The following RBFOX1 variants were observed in gnomAD, a reference collection of about 807,000 sequenced individuals.
RBFOX1 encodes the protein RNA binding protein fox-1 homolog 1.
In RBFOX1, 8 loss-of-function variants were observed where a neutral mutation model predicts 57.7. The observed-to-expected ratio is 0.14, with a 90% CI of 0.08 to 0.25. The LOEUF is 0.25. RBFOX1 is among the 10% of genes least tolerant of loss of function. RBFOX1 has a pLI of 1.00. For synonymous variants in RBFOX1, 326 were observed against 222.4 expected (o/e 1.47, Z -4.15); for missense variants, 611 against 548.5 (o/e 1.11, Z -1.14).
intron 2 of RBFOX1, among the ~76,000 whole-genome samples, chr16:5,590,587 G>C (rs2046975190): frequency 6.6e-6 from 1 of 152,190 alleles, no homozygotes; most frequent in South Asian, 2.1e-4. Context: ...GGAGGAATGG[G>C]GTGGTGGTAG....
chr16:7,186,009 A>G (rs937931328), intron 4 of RBFOX1, among the ~76,000 whole-genome samples: 10 of 152,142 alleles, frequency 6.6e-5, no homozygotes, highest in Admixed American at 3.9e-4. Flanking sequence ...GTATAGATCA[A>G]AGGCACACAG....
At chr16:7,558,067 T>C (rs572789162) in intron 5 of RBFOX1, among the ~76,000 whole-genome samples, 1 of 152,146 alleles carries the variant, frequency 6.6e-6, no homozygotes, top group South Asian at 2.1e-4. Context: ...TAATATACTT[T>C]ATTGAGGCCA....
intron 4 of RBFOX1, among the ~76,000 whole-genome samples, chr16:7,458,711 C>A (rs35254982): frequency 6.6e-6 from 1 of 151,810 alleles, no homozygotes; most frequent in Non-Finnish European, 1.5e-5. Flanking sequence ...CACTCCCTCT[C>A]CTCCTTCTCA....
At chr16:7,704,207 C>G (rs2081667020) in intron 14 of RBFOX1, among the ~76,000 whole-genome samples, 1 of 152,140 alleles carries the variant, frequency 6.6e-6, no homozygotes, top group South Asian at 2.1e-4. Flanking sequence ...CGGGTTGCTT[C>G]CCAGTTTTAA....
intron 3 of RBFOX1, among the ~76,000 whole-genome samples, chr16:6,736,503 C>T (rs1375687849): frequency 6.6e-6 from 1 of 152,150 alleles, no homozygotes; most frequent in Non-Finnish European, 1.5e-5. Flanking sequence ...GTTTTTATGG[C>T]TAAGTAGTAT....
intron 2 of RBFOX1, among the ~76,000 whole-genome samples, chr16:5,511,841 G>T (rs1330774862): frequency 6.6e-6 from 1 of 152,196 alleles, no homozygotes; most frequent in Non-Finnish European, 1.5e-5. Flanking sequence ...GACCAGAAGG[G>T]TGACTGAGTT....
At chr16:5,836,374 TG>T (rs2056457055) in intron 3 of RBFOX1, among the ~76,000 whole-genome samples, 1 of 152,174 alleles carries the variant, frequency 6.6e-6, no homozygotes, top group Non-Finnish European at 1.5e-5. Context: ...AGTTTTCCTC[TG>T]CAAACATCTG....
intron 4 of RBFOX1, among the ~76,000 whole-genome samples, chr16:7,183,786 G>A (rs113087353): frequency 1.4e-4 from 22 of 152,202 alleles, no homozygotes; most frequent in Non-Finnish European, 2.9e-4. Context: ...TCTCCTTTCA[G>A]TGTGGTTCAG....
chr16:7,189,552 A>AGCACACAC (rs1555547915), intron 4 of RBFOX1, among the ~76,000 whole-genome samples: 17 of 78,680 alleles, frequency 2.2e-4, no homozygotes, highest in Admixed American at 1.5e-3. Context: ...TATGTCCCCC[A>AGCACACAC]AAACACACAC....
chr16:6,976,608 C>T (rs2086915219), intron 3 of RBFOX1, among the ~76,000 whole-genome samples: 1 of 151,200 alleles, frequency 6.6e-6, no homozygotes, highest in Non-Finnish European at 1.5e-5. Flanking sequence ...GTAGGGCGTT[C>T]CCGAAAGTAA....
intron 4 of RBFOX1, among the ~76,000 whole-genome samples, chr16:5,987,475 A>G (rs1384322841): frequency 6.6e-6 from 1 of 152,086 alleles, no homozygotes; most frequent in Non-Finnish European, 1.5e-5. Flanking sequence ...ATTTTCTTTT[A>G]TATTTTTCAA....
chr16:7,677,066 C>G (rs2073492343), intron 14 of RBFOX1, among the ~76,000 whole-genome samples: 1 of 151,210 alleles, frequency 6.6e-6, no homozygotes, highest in Non-Finnish European at 1.5e-5. Flanking sequence ...AAATGATAGC[C>G]TTGGTCCTTG....
rs140192979 is a variant in RBFOX1 at position 6,908,163 on chromosome 16, C to G, written c.-15-143894C>G. 1.5e-4 allele frequency among the ~76,000 whole-genome samples: 23 copies of G among 151,882 alleles called. No homozygotes were observed. In the East Asian group the frequency reaches 4.3e-3, roughly 28 times the overall value. On this transcript the variant is annotated intron_variant, in intron 3 of 15. Transcript: ENST00000550418. ...CAATTCAGCTCCTAACAATCTACTT[C>G]TCTGCATCCCTACATCCGTGCAGTT...
chr16:7,243,248 C>T (rs1468919393), intron 4 of RBFOX1, among the ~76,000 whole-genome samples: 1 of 152,230 alleles, frequency 6.6e-6, no homozygotes, highest in East Asian at 1.9e-4. Flanking sequence ...GAATGTACCA[C>T]ATTTATTCTC....
At chr16:7,301,797 G>C (rs573566704) in intron 4 of RBFOX1, among the ~76,000 whole-genome samples, 1 of 152,260 alleles carries the variant, frequency 6.6e-6, no homozygotes, top group African/African-American at 2.4e-5. Flanking sequence ...CAGATTGCTT[G>C]ACGCAACAGT....
intron 3 of RBFOX1, among the ~76,000 whole-genome samples, chr16:5,785,853 TCTGC>T (rs1343437346): frequency 2.6e-5 from 4 of 152,108 alleles, no homozygotes; most frequent in Admixed American, 1.3e-4. Context: ...CCTGAAAAAA[TCTGC>T]CTCTCTTCAT....
At position 6,766,420 on chromosome 16, in the gene RBFOX1, T is replaced by C. The variant is rs184300150; in HGVS notation, c.-16+111770T>C. Among the ~76,000 whole-genome samples, 15 of 152,214 alleles carry C rather than the reference T, an allele frequency of 9.9e-5. No individual in the cohort carries two copies. In the East Asian group the frequency reaches 2.9e-3, roughly 29 times the overall value. On this transcript the variant is annotated intron_variant, in intron 3 of 15. Coordinates refer to ENST00000550418, the MANE Select transcript of RBFOX1 (RefSeq NM_018723.4). ...ATTGTCCCTGTAGCCTGGGAGGCCT[T>C]TCAAAGGTCACTTGGCCTTTTCTAG...
chr16:7,331,215 C>T (rs1022224312), intron 4 of RBFOX1, among the ~76,000 whole-genome samples: 1 of 152,132 alleles, frequency 6.6e-6, no homozygotes, highest in African/African-American at 2.4e-5. Flanking sequence ...GAGGAATTGA[C>T]ATTTGGATTT....
intron 3 of RBFOX1, among the ~76,000 whole-genome samples, chr16:7,030,959 A>G (rs1236121203): frequency 6.6e-6 from 1 of 152,224 alleles, no homozygotes; most frequent in Non-Finnish European, 1.5e-5. Context: ...TAAAATGATC[A>G]AGAAAGGACA....
Sources: allele counts gnomAD v4.1 joint callset (sites outside exome capture counted in the v4.1 genomes callset), GRCh38; gene constraint gnomAD v4.1.1; transcripts MANE v1.5; gene names NCBI Gene and HGNC (gene_info 2026-07-23, HGNC 2026-07-21).